BRWD3: variants seen among roughly 807,000 people sequenced by gnomAD.
BRWD3 encodes the protein bromodomain and WD repeat domain containing 3, also known as bromodomain and WD repeat-containing protein 3.
A neutral mutation model predicts 149.7 loss-of-function variants in BRWD3; 10 were observed. The observed-to-expected ratio is 0.07, with a 90% CI of 0.04 to 0.11. The LOEUF (loss-of-function observed/expected upper bound fraction) is 0.11, where lower values mean the gene tolerates loss of function less well. BRWD3 is among the 10% of genes least tolerant of loss of function. BRWD3 has a pLI of 1.00. For missense variants in BRWD3, 940 were observed against 1,373.2 expected (o/e 0.68, Z 4.99); for synonymous variants, 504 against 456.7 (o/e 1.10, Z -1.32).
chrX:80,713,578 A>G (rs1018814567), intron 20 of BRWD3, among the ~76,000 whole-genome samples: 12 of 110,152 alleles, frequency 1.1e-4, no homozygotes, highest in African/African-American at 4.0e-4. Flanking sequence ...TCCTCTGCCT[A>G]GGAAAACCAG....
At chrX:80,729,584 G>A (rs1441021062) in intron 13 of BRWD3, among the ~76,000 whole-genome samples, 2 of 111,437 alleles carry the variant, frequency 1.8e-5, no homozygotes, top group East Asian at 5.6e-4. Context: ...ACATTTAATA[G>A]GGACAACTCT....
chrX:80,749,787 A>G (rs1263600991), intron 6 of BRWD3, among the ~76,000 whole-genome samples: 1 of 111,436 alleles, frequency 9.0e-6, no homozygotes, highest in Non-Finnish European at 1.9e-5. Flanking sequence ...CAGCTAAAAC[A>G]CTCTTATGCA....
chrX:80,766,988 C>A (rs1298706106), intron 6 of BRWD3, among the ~76,000 whole-genome samples: 1 of 112,506 alleles, frequency 8.9e-6, no homozygotes. Context: ...GAATCCCAAG[C>A]CCACCAAGCC....
At chrX:80,783,802 T>G (rs2074081228) in intron 6 of BRWD3, among the ~76,000 whole-genome samples, 1 of 111,556 alleles carries the variant, frequency 9.0e-6, no homozygotes, top group South Asian at 3.7e-4. Context: ...AACGTTATAT[T>G]AAGTGAAATA....
At chrX:80,710,981 T>G (rs1428115382) in intron 20 of BRWD3, among the ~76,000 whole-genome samples, 1 of 109,722 alleles carries the variant, frequency 9.1e-6, no homozygotes, top group African/African-American at 3.3e-5. Flanking sequence ...AAGCCAACTG[T>G]AAAATAAAAT....
intron 6 of BRWD3, among the ~76,000 whole-genome samples, chrX:80,781,192 G>C (rs1299160283): frequency 9.0e-5 from 10 of 111,302 alleles, no homozygotes; most frequent in South Asian, 3.8e-4. Context: ...AGATTTAATA[G>C]AGTGAAAACA....
Position 80,809,801 on chromosome X carries a change from G to GAGAC in BRWD3, c.-334_-331dup, listed in dbSNP as rs2074394364. On this transcript the variant is annotated 5_prime_UTR_variant, in exon 1 of 41. Transcript: ENST00000373275. ...AGAGAGAGAGAGAGAGAGAGAGAGA[G>GAGAC]AGACGCGGGGGGTGGGGGGGCGGAG... 1 of 149,194 alleles carries GAGAC rather than the reference G, an allele frequency of 6.7e-6. No homozygotes were observed. The highest frequency in any genetic ancestry group is 1.2e-5 in the Non-Finnish European group (1 of 85,207). The allele number at this position is 149,194 out of a possible 1,213,427, so 12.3% of individuals were successfully genotyped here.
chrX:80,780,975 G>A (rs1001367897), intron 6 of BRWD3, among the ~76,000 whole-genome samples: 10 of 111,498 alleles, frequency 9.0e-5, no homozygotes, highest in Non-Finnish European at 1.9e-4. Context: ...GACATATAAC[G>A]ACACAATGGC....
At chrX:80,795,636 T>C (rs1393492822) in intron 4 of BRWD3, among the ~76,000 whole-genome samples, 1 of 109,664 alleles carries the variant, frequency 9.1e-6, no homozygotes. Context: ...ATCCCAGCAC[T>C]TTGGGAGGCA....
chrX:80,712,593 T>C (rs1481717299), intron 20 of BRWD3, among the ~76,000 whole-genome samples: 4 of 108,968 alleles, frequency 3.7e-5, no homozygotes, highest in African/African-American at 6.8e-5. Flanking sequence ...GTGAGGAGCG[T>C]CTCTGCCTGG....
chrX:80,741,865 G>A (rs1317994555), intron 8 of BRWD3, among the ~76,000 whole-genome samples: 2 of 111,877 alleles, frequency 1.8e-5, no homozygotes, highest in African/African-American at 3.3e-5. Flanking sequence ...TAGGTTGCCT[G>A]TTCACTCTGA....
rs201773230 is a variant in BRWD3 at position 80,690,088 on chromosome X, T to G, written c.3607A>C (p.Ile1203Leu). Reference sequence around the variant, plus strand: ...CGTACCTCCCACATTAATGCTGATATTCTCCTGTGAAAGAAAAAATACTCT... The same window carrying G: ...CGTACCTCCCACATTAATGCTGATAGTCTCCTGTGAAAGAAAAAATACTCT... ...RRLENRFYRR[I>L]SALMWEVRYI... Residue 1203 changes from isoleucine to leucine, a missense_variant, in exon 32 of 41, where the codon ATA becomes CTA. Ile to Leu is a conservative substitution (Grantham distance 5). Transcript: ENST00000373275. The G allele has an allele frequency of 4.2e-5, 51 of 1,206,163 alleles. No homozygotes were observed. The highest frequency in any genetic ancestry group is 3.5e-5 in the African/African-American group (2 of 57,029).
rs183175854 is a variant in BRWD3 at position 80,707,410 on chromosome X, A to G, written c.2552+17T>C. ...ACTGTTCAATAATTTTGACCAAATT[A>G]AAACCATTAAAACTACCTGGAAGAA... On this transcript the variant is annotated intron_variant, in intron 22 of 40. Transcript: ENST00000373275. 8.4e-7 allele frequency: 1 copy of G among 1,185,614 alleles called. No homozygotes were observed. The highest frequency in any genetic ancestry group is 3.0e-5 in the East Asian group (1 of 33,667).
In BRWD3 at chrX:80,809,722, A is replaced by T; in HGVS notation, c.-251T>A. The T allele has an allele frequency of 4.8e-6, 1 of 209,581 alleles. No homozygotes were observed. 17.3% of individuals were successfully genotyped at this position (209,581 alleles called of 1,213,427 possible). ...GAGGGAGAGAGAGAGTGAGTGAGTG[A>T]GAGAGAGAGAGAGAAGAGAGAGAGA... On this transcript the variant is annotated 5_prime_UTR_variant, in exon 1 of 41. Transcript: ENST00000373275.
At position 80,774,908 on chromosome X, in the gene BRWD3, T is replaced by C. The variant is rs763057760; in HGVS notation, c.430+16946A>G. Among the ~76,000 whole-genome samples, 10 of 111,783 alleles carry C rather than the reference T, an allele frequency of 8.9e-5. No homozygotes were observed. The South Asian group carries it at 3.8e-3, about 42-fold the overall frequency. ...CTCTCCAGTTTCTCTCCTCTCCAGT[T>C]TATCATATACTCTACTTTATGTGTT... On this transcript the variant is annotated intron_variant, in intron 6 of 40. Transcript: ENST00000373275.
chrX:80,799,172 T>C (rs1265197033), intron 4 of BRWD3, among the ~76,000 whole-genome samples: 2 of 112,085 alleles, frequency 1.8e-5, no homozygotes, highest in African/African-American at 3.2e-5. Context: ...TGAATTACCA[T>C]ACTTCAGAAT....
In BRWD3 at chrX:80,691,891, C is replaced by T; in HGVS notation, c.3413G>A (p.Trp1138Ter). 1 of 1,210,422 alleles carries T rather than the reference C, an allele frequency of 8.3e-7. No individual in the cohort carries two copies. The highest frequency in any genetic ancestry group is 1.1e-6 in the Non-Finnish European group (1 of 895,075). The change falls in exon 30 of 41, where the codon TGG becomes TAG. Residue 1138 changes from tryptophan (W) to a stop codon, truncating the protein, a stop_gained. Transcript: ENST00000373275. LOFTEE classifies it high-confidence loss of function. ...TTCTTCGTCTCTGGAATGAGCCCCC[C>T]ACTCTCCTTCCTGGGGTTTGTATAG... The part of the protein sequence containing the change: ...ALLYKPQEGE[W>*]GAHSRDEECE...
intron 40 of BRWD3, among the ~76,000 whole-genome samples, chrX:80,678,163 T>C (rs2072392842): frequency 8.9e-6 from 1 of 112,353 alleles, no homozygotes; most frequent in Admixed American, 9.4e-5. Flanking sequence ...GGGCATCCAC[T>C]GCAGTATTCT....
At chrX:80,695,153 G>A (rs2072667459) in intron 27 of BRWD3, among the ~76,000 whole-genome samples, 1 of 111,578 alleles carries the variant, frequency 9.0e-6, no homozygotes, top group South Asian at 3.8e-4. Flanking sequence ...TCTGTCTCCT[G>A]CAGCCATATG....
Sources: allele counts gnomAD v4.1 joint callset (sites outside exome capture counted in the v4.1 genomes callset), GRCh38; gene constraint gnomAD v4.1.1; transcripts MANE v1.5; gene names NCBI Gene and HGNC (gene_info 2026-07-23, HGNC 2026-07-21).